CCNT1: variants seen among roughly 807,000 people sequenced by gnomAD.
CCNT1 encodes cyclin-T1.
CCNT1 carries 18 observed loss-of-function variants against 67.3 expected under a neutral mutation model. That is an observed-to-expected ratio of 0.27 (90% CI 0.18 to 0.40). The LOEUF (loss-of-function observed/expected upper bound fraction) is 0.40, where lower values mean the gene tolerates loss of function less well. CCNT1 is among the 10% of genes least tolerant of loss of function. CCNT1 has a pLI of 1.00. For missense variants in CCNT1, 744 were observed against 884.9 expected, an observed-to-expected ratio of 0.84 and a Z score of 2.02; for synonymous variants, 333 against 310.3, an observed-to-expected ratio of 1.07 and a Z score of -0.77.
At chr12:48,703,637 G>C (rs1336876911) in intron 3 of CCNT1, among the ~76,000 whole-genome samples, 1 of 151,296 alleles carries the variant, frequency 6.6e-6, no homozygotes, top group African/African-American at 2.4e-5. Flanking sequence ...TAATAAAAAT[G>C]TATAATAATA....
intron 1 of CCNT1, 131 bp downstream of exon 1, chr12:48,716,384 C>T: frequency 2.5e-6 from 2 of 802,840 alleles, no homozygotes; most frequent in Non-Finnish European, 3.9e-6. Flanking sequence ...CCATCGTGGG[C>T]TCTCCCAACT....
rs370293348 is a variant in CCNT1, at chr12:48,693,510, G to A, written c.1704C>T (p.Ser568=). ...AGGGTCCCCTTTTACGAGTAGAACTGGAAGAGGAAAAAGAACTAGACAAGC... is the reference window on the plus strand; with the variant it reads ...AGGGTCCCCTTTTACGAGTAGAACTAGAAGAGGAAAAAGAACTAGACAAGC... ...TYSLSSSFSS[S]SSTRKRGPSE... Residue 568 remains serine (S), a synonymous_variant, in exon 9 of 9, where the codon TCC becomes TCT. Coordinates refer to ENST00000261900, the MANE Select transcript of CCNT1 (RefSeq NM_001240.4). 1.2e-6 allele frequency: 2 copies of A among 1,614,036 alleles called. No homozygotes were observed. Among genetic ancestry groups the A allele is most frequent in the Non-Finnish European group, 8.5e-7 (1 of 1,180,028 alleles).
chr12:48,713,200 C>CT (rs11320347), intron 2 of CCNT1, among the ~76,000 whole-genome samples: 2,530 of 134,778 alleles, frequency 0.019, 79 homozygotes, highest in African/African-American at 0.062. Context: ...TTTTTTTTAC[C>CT]TTTTTTTTTT....
intron 3 of CCNT1, among the ~76,000 whole-genome samples, chr12:48,703,236 C>T (rs1224410030): frequency 6.6e-6 from 1 of 151,866 alleles, no homozygotes; most frequent in African/African-American, 2.4e-5. Context: ...ACAATCTTGC[C>T]ACTGCACTCT....
In CCNT1 at chr12:48,698,186, A is replaced by G. The variant is rs940785993; in HGVS notation, c.497-3T>C. 1.4e-6 allele frequency: 2 copies of G among 1,436,766 alleles called. No homozygotes were observed. Among genetic ancestry groups the G allele is most frequent in the Admixed American group, 2.6e-5 (1 of 38,234 alleles). The allele number at this position is 1,436,766 out of a possible 1,614,324, so 89.0% of individuals were successfully genotyped here. A position where few individuals can be genotyped will look rare whatever the true frequency, so the allele number is the denominator to read the frequency against. ...AGTCTGTGCTAAGTCCTTGCTTGCT[A>G]AAGAAAAAAAAAAAAAGTCAGGGGT... On this transcript the variant is annotated splice_polypyrimidine_tract_variant and splice_region_variant and intron_variant, in intron 5 of 8. Transcript: ENST00000261900.
At chr12:48,705,947 G>A in intron 2 of CCNT1, 51 bp from the exon 3 acceptor site, 2 of 1,542,214 alleles carry the variant, frequency 1.3e-6, no homozygotes, top group Non-Finnish European at 1.8e-6. Context: ...TTCATTCATA[G>A]AGTAAGGTAG....
chr12:48,699,734 G>A (rs781381758), intron 5 of CCNT1, 44 bp downstream of exon 5: 38 of 1,402,132 alleles, frequency 2.7e-5, no homozygotes, highest in Non-Finnish European at 3.8e-5. Context: ...ACCTCTAAAT[G>A]GGAAAACAGC....
chr12:48,713,682 G>C (rs1023333185), intron 2 of CCNT1, among the ~76,000 whole-genome samples: 2 of 152,108 alleles, frequency 1.3e-5, no homozygotes, highest in Admixed American at 6.5e-5. Context: ...TACTTGGGAG[G>C]CTACGGCAGG....
rs891688299 is a variant in CCNT1, at chr12:48,693,925, T to C, written c.1289A>G (p.Asp430Gly). Reference protein sequence around the residue: ...YAAQNLLSHHDSHSSVILKMP... With the variant: ...YAAQNLLSHHGSHSSVILKMP... ...TTTTAGAATGACTGAAGAATGGCTA[T>C]CATGATGAGAAAGGAGATTCTGGGC... Residue 430 changes from aspartate (D) to glycine (G), a missense_variant, in exon 9 of 9, where the codon GAT (aspartate) becomes GGT (glycine). By Grantham distance (94) the Asp-to-Gly change is moderately conservative. Transcript: ENST00000261900. The C allele has an allele frequency of 9.3e-6, 15 of 1,614,170 alleles. No homozygotes were observed. The highest frequency in any genetic ancestry group is 1.7e-5 in the Admixed American group (1 of 60,030).
chr12:48,695,642 G>A (rs1370929459), intron 8 of CCNT1, 117 bp downstream of exon 8: 5 of 670,336 alleles, frequency 7.5e-6, no homozygotes, highest in African/African-American at 1.8e-5. Context: ...CATGATTACT[G>A]TGTAACTATA....
intron 2 of CCNT1, among the ~76,000 whole-genome samples, chr12:48,709,700 GAT>G (rs2137241586): frequency 6.6e-6 from 1 of 152,248 alleles, no homozygotes; most frequent in East Asian, 1.9e-4. Flanking sequence ...AGCATAGCAA[GAT>G]ATGATTTTTT....
At position 48,689,849 on chromosome 12, in the gene CCNT1, G is replaced by A. The variant is rs906264844; in HGVS notation, c.*3184C>T. ...AGGTTTAAGATAACTCAGCAGTGATGTCACCATGATTTTATTTCCATATCC... is the reference window on the plus strand; with the variant it reads ...AGGTTTAAGATAACTCAGCAGTGATATCACCATGATTTTATTTCCATATCC... On this transcript the variant is annotated 3_prime_UTR_variant, in exon 9 of 9. Coordinates refer to ENST00000261900, the MANE Select transcript of CCNT1 (RefSeq NM_001240.4). 5.9e-5 allele frequency: 9 copies of A among 152,176 alleles called. No individual in the cohort carries two copies. Among genetic ancestry groups the A allele is most frequent in the African/African-American group, 2.2e-4 (9 of 41,438 alleles). The allele number at this position is 152,176 out of a possible 1,614,324, so 9.4% of individuals were successfully genotyped here.
chr12:48,699,585 T>C (rs1302721860), intron 5 of CCNT1, among the ~76,000 whole-genome samples, 193 bp downstream of exon 5: 3 of 152,234 alleles, frequency 2.0e-5, no homozygotes, highest in Non-Finnish European at 4.4e-5. Context: ...TCTCTTTAAC[T>C]AGAGATCATC....
chr12:48,702,061 T>C lies in CCNT1; in HGVS notation c.373-988A>G, dbSNP rs113137844. ...ACAGGAGCCCACCACCACGCCCGGC[T>C]AGTTTTTGTATATTTAGTAGAGACG... On this transcript the variant is annotated intron_variant, in intron 3 of 8. Coordinates refer to ENST00000261900, the MANE Select transcript of CCNT1 (RefSeq NM_001240.4). Among the ~76,000 whole-genome samples the C allele has an allele frequency of 2.5e-3, 377 of 152,124 alleles. 4 individuals are homozygous for C. The highest frequency in any genetic ancestry group is 0.014 in the Middle Eastern group (4 of 294).
At chr12:48,701,765 C>A (rs1200054286) in intron 3 of CCNT1, among the ~76,000 whole-genome samples, 1 of 151,956 alleles carries the variant, frequency 6.6e-6, no homozygotes, top group Admixed American at 6.6e-5. Context: ...CACCACCACA[C>A]CCAGCTAATT....
chr12:48,711,740 G>A (rs1350966629), intron 2 of CCNT1, among the ~76,000 whole-genome samples: 1 of 152,160 alleles, frequency 6.6e-6, no homozygotes, highest in Admixed American at 6.5e-5. Flanking sequence ...ATGACTAGAG[G>A]TACAGGGGCT....
intron 3 of CCNT1, among the ~76,000 whole-genome samples, chr12:48,702,390 G>A (rs1940284812): frequency 6.6e-6 from 1 of 152,342 alleles, no homozygotes; most frequent in East Asian, 1.9e-4. Flanking sequence ...GCCAGCCAAA[G>A]CTATAGCCAC....
Position 48,694,208 on chromosome 12 carries a change from A to ACAG in CCNT1, c.1003_1005dup (p.Leu335dup). 6.2e-7 allele frequency: 1 copy of ACAG among 1,614,164 alleles called. No homozygotes were observed. The highest frequency in any genetic ancestry group is 8.5e-7 in the Non-Finnish European group (1 of 1,180,036). The stretch of plus-strand genomic sequence containing the variant: ...TCTAGTTTGAAAGAAGGTTGGGAGG[A>ACAG]CAGCCAACGCTTGCCCGGCAACATC... On this transcript the variant is annotated inframe_insertion, in exon 9 of 9. Coordinates refer to ENST00000261900, the MANE Select transcript of CCNT1 (RefSeq NM_001240.4).
rs1940082362 is a variant in CCNT1 at position 48,691,993 on chromosome 12, C to T, written c.*1040G>A. 6.6e-6 allele frequency: 1 copy of T among 152,058 alleles called. No homozygotes were observed. The highest frequency in any genetic ancestry group is 2.4e-5 in the African/African-American group (1 of 41,382). The allele number at this position is 152,058 out of a possible 1,614,324, so 9.4% of individuals were successfully genotyped here. A position where few individuals can be genotyped will look rare whatever the true frequency, so the allele number is the denominator to read the frequency against. ...ATCTCTTAGAGACCTTAAGACTGCT[C>T]TCATTTGAACACTTTCCCAAAGCCT... On this transcript the variant is annotated 3_prime_UTR_variant, in exon 9 of 9. Transcript: ENST00000261900.
Sources: gnomAD v4.1 joint callset for allele counts (sites outside exome capture counted in the v4.1 genomes callset) on GRCh38, gnomAD v4.1.1 for gene constraint, MANE v1.5 for transcripts, NCBI Gene and HGNC (gene_info 2026-07-23, HGNC 2026-07-21) for gene names.